PRIM2: variants seen among roughly 807,000 people sequenced by gnomAD.
PRIM2 encodes DNA primase large subunit.
In PRIM2, 39 loss-of-function variants were observed where a neutral mutation model predicts 67.3. That is an observed-to-expected ratio of 0.58 (90% confidence interval 0.45 to 0.76). The LOEUF is 0.76. Among genes scored for constraint, PRIM2 ranks in the 30% least tolerant of loss-of-function variants. The pLI, the probability that PRIM2 is intolerant of heterozygous loss-of-function variation, is 0.00. For synonymous variants in PRIM2, 143 were observed against 198.7 expected (o/e 0.72, Z 2.36); for missense variants, 398 against 598.7 (o/e 0.66, Z 3.50).
chr6:57,613,230 A>G lies in PRIM2; in HGVS notation c.1230+6773A>G, dbSNP rs1172571759. Among the ~76,000 whole-genome samples the G allele has an allele frequency of 3.3e-5, 5 of 152,224 alleles. No individual in the cohort carries two copies. In the East Asian group the frequency reaches 9.6e-4, roughly 29 times the overall value. The stretch of plus-strand genomic sequence containing the variant: ...GTATAAACATATAATTTAGAGTGAC[A>G]TAGACAACATCCTATGTAATAAAAA... On this transcript the variant is annotated intron_variant, in intron 12 of 13. Coordinates refer to ENST00000615550, the MANE Select transcript of PRIM2 (RefSeq NM_000947.5).
chr6:57,382,556 A>G (rs962619633), intron 7 of PRIM2: 4 of 156,792 alleles, frequency 2.6e-5, no homozygotes, highest in African/African-American at 9.6e-5. Flanking sequence ...TATCAGTAGA[A>G]GACAATATAG....
intron 7 of PRIM2, among the ~76,000 whole-genome samples, chr6:57,430,605 C>T (rs1271084087): frequency 1.3e-5 from 2 of 151,818 alleles, no homozygotes; most frequent in African/African-American, 4.8e-5. Flanking sequence ...AGGTGCCCAC[C>T]ACCATGCCCA....
At chr6:57,585,798 G>T (rs1468297609) in intron 10 of PRIM2, among the ~76,000 whole-genome samples, 2 of 152,146 alleles carry the variant, frequency 1.3e-5, no homozygotes, top group Non-Finnish European at 2.9e-5. Context: ...GCCAAGGAGG[G>T]CATCTTGTCA....
chr6:57,295,541 A>G, the PRIM2 span, among the ~76,000 whole-genome samples: 1 of 152,190 alleles, frequency 6.6e-6, no homozygotes, highest in African/African-American at 2.4e-5. Context: ...GTTGTGGTTT[A>G]ATGAATTAGA....
At chr6:57,548,516 A>T (rs1581983699) in intron 10 of PRIM2, among the ~76,000 whole-genome samples, 1 of 152,190 alleles carries the variant, frequency 6.6e-6, no homozygotes, top group Non-Finnish European at 1.5e-5. Context: ...GGAGATGGAA[A>T]GAGAATTTAA....
intron 10 of PRIM2, among the ~76,000 whole-genome samples, chr6:57,590,812 G>A (rs1379435245): frequency 6.6e-6 from 1 of 152,166 alleles, no homozygotes. Flanking sequence ...CTGTGTGCAG[G>A]ACGCTATACC....
chr6:57,564,521 C>CT (rs1476112690), intron 10 of PRIM2, among the ~76,000 whole-genome samples: 4 of 151,836 alleles, frequency 2.6e-5, no homozygotes, highest in Non-Finnish European at 2.9e-5. Context: ...AGTTTTCTTT[C>CT]TTTTTTTTAC....
intron 5 of PRIM2, among the ~76,000 whole-genome samples, chr6:57,338,262 T>C (rs1394085009): frequency 6.6e-6 from 1 of 152,218 alleles, no homozygotes; most frequent in Admixed American, 6.5e-5. Context: ...GATTCACAGC[T>C]GAATTCTACC....
intron 7 of PRIM2, among the ~76,000 whole-genome samples, chr6:57,385,998 A>G (rs78955935): frequency 6.6e-6 from 1 of 151,824 alleles, no homozygotes; most frequent in Admixed American, 6.6e-5. Flanking sequence ...ATATTTTGGA[A>G]AACATATTTC....
chr6:57,407,809 T>C (rs1386716904), intron 7 of PRIM2, among the ~76,000 whole-genome samples: 3 of 152,186 alleles, frequency 2.0e-5, no homozygotes, highest in Non-Finnish European at 4.4e-5. Flanking sequence ...GTGGTAGTGG[T>C]GGTGAAGGCA....
intron 4 of PRIM2, among the ~76,000 whole-genome samples, chr6:57,325,513 C>G (rs2127274894): frequency 6.6e-6 from 1 of 152,208 alleles, no homozygotes; most frequent in Admixed American, 6.5e-5. Flanking sequence ...AGGCTGGTCT[C>G]AAACTTCTGG....
chr6:57,341,029 A>C (rs1581807750), intron 5 of PRIM2, among the ~76,000 whole-genome samples: 3 of 152,234 alleles, frequency 2.0e-5, no homozygotes, highest in African/African-American at 7.2e-5. Context: ...TTTGCTAATC[A>C]TTTGAGGTGC....
the PRIM2 span, among the ~76,000 whole-genome samples, chr6:57,280,395 T>TA: frequency 6.6e-6 from 1 of 152,188 alleles, no homozygotes; most frequent in Non-Finnish European, 1.5e-5. Context: ...TCTTTTTTTT[T>TA]TAAATAAACT....
chr6:57,613,950 CA>C (rs1475399711), intron 12 of PRIM2, among the ~76,000 whole-genome samples: 1 of 152,124 alleles, frequency 6.6e-6, no homozygotes, highest in Non-Finnish European at 1.5e-5. Flanking sequence ...CTCCTGGGTT[CA>C]AGCAATTCTC....
the PRIM2 span, among the ~76,000 whole-genome samples, chr6:57,280,207 G>C: frequency 1.3e-5 from 2 of 152,118 alleles, no homozygotes; most frequent in Non-Finnish European, 2.9e-5. Flanking sequence ...ATTTGGAGGT[G>C]ACAGAAAGGC....
rs1329530631 is a variant in PRIM2 at position 57,490,609 on chromosome 6, A to G, written c.694-16778A>G. 1.3e-3 allele frequency among the ~76,000 whole-genome samples: 204 copies of G among 152,350 alleles called. 1 individual carries two copies. Among genetic ancestry groups the G allele is most frequent in the African/African-American group, 4.6e-3 (192 of 41,576 alleles). ...TAGCAGTGTTAACAAACAAGAAGTC[A>G]TAAAAAGAACAGAGTAGGAATATTA... On this transcript the variant is annotated intron_variant, in intron 7 of 13. Transcript: ENST00000615550.
chr6:57,248,686 A>G, the PRIM2 span, among the ~76,000 whole-genome samples: 1 of 152,188 alleles, frequency 6.6e-6, no homozygotes, highest in African/African-American at 2.4e-5. Flanking sequence ...GCCTGCAACC[A>G]GTCTGATCCA....
chr6:57,618,316 T>A (rs1468503868), intron 12 of PRIM2, among the ~76,000 whole-genome samples: 1 of 152,170 alleles, frequency 6.6e-6, no homozygotes, highest in Admixed American at 6.5e-5. Context: ...AATCTGTAGA[T>A]TGTGTATAAA....
intron 12 of PRIM2, among the ~76,000 whole-genome samples, chr6:57,609,000 C>G (rs1477654973): frequency 2.0e-5 from 3 of 152,152 alleles, no homozygotes; most frequent in Non-Finnish European, 4.4e-5. Context: ...TTTACCTGTT[C>G]ATCTTTCCCA....
Sources: gnomAD v4.1 joint callset for allele counts (sites outside exome capture counted in the v4.1 genomes callset) on GRCh38, gnomAD v4.1.1 for gene constraint, MANE v1.5 for transcripts, NCBI Gene and HGNC (gene_info 2026-07-23, HGNC 2026-07-21) for gene names.